The following C9 variants were observed in gnomAD, a reference collection of about 807,000 sequenced individuals.
C9 encodes the protein complement component C9.
C9 carries 63 observed loss-of-function variants against 65.4 expected under a neutral mutation model. That is an observed-to-expected ratio of 0.96 (90% CI 0.79 to 1.19). The LOEUF (loss-of-function observed/expected upper bound fraction) is 1.19, where lower values mean the gene tolerates loss of function less well. C9 is among the 50% of genes most tolerant of loss of function. The pLI is 0.00. For synonymous variants in C9, 229 were observed against 227.9 expected (o/e 1.00, Z -0.04); for missense variants, 744 against 670.1 (o/e 1.11, Z -1.22).
At chr5:39,364,169 T>G (rs998104809) in intron 1 of C9, among the ~76,000 whole-genome samples, 2 of 152,186 alleles carry the variant, frequency 1.3e-5, no homozygotes, top group Admixed American at 6.5e-5. Flanking sequence ...TTTGAGTGCC[T>G]TGTTGAAAAT....
intron 1 of C9, among the ~76,000 whole-genome samples, chr5:39,344,968 T>G (rs910547420): frequency 2.0e-5 from 3 of 152,058 alleles, no homozygotes; most frequent in African/African-American, 7.2e-5. Flanking sequence ...GACAAGCAAA[T>G]GCAGAGAGAT....
At chr5:39,346,171 A>G (rs112309116) in intron 1 of C9, among the ~76,000 whole-genome samples, 6,579 of 152,286 alleles carry the variant, frequency 0.043, 466 homozygotes, top group African/African-American at 0.15. Flanking sequence ...AACTAAGATC[A>G]GAGCAGAACT....
chr5:39,307,169 T>C (rs964304727), intron 8 of C9, among the ~76,000 whole-genome samples: 3 of 152,202 alleles, frequency 2.0e-5, no homozygotes, highest in Non-Finnish European at 4.4e-5. Flanking sequence ...TACATTTGCT[T>C]TGATATGTTT....
intron 9 of C9, among the ~76,000 whole-genome samples, chr5:39,296,067 A>G (rs1753179988): frequency 6.6e-6 from 1 of 151,770 alleles, no homozygotes; most frequent in Non-Finnish European, 1.5e-5. Context: ...ACCTAAAACT[A>G]TAAAACTACT....
chr5:39,346,835 G>A (rs1446036321), intron 1 of C9, among the ~76,000 whole-genome samples: 1 of 152,116 alleles, frequency 6.6e-6, no homozygotes, highest in Non-Finnish European at 1.5e-5. Context: ...GATCAAGTGG[G>A]CTTCATCCCT....
intron 1 of C9, among the ~76,000 whole-genome samples, chr5:39,345,373 G>A (rs879527373): frequency 2.0e-4 from 30 of 152,200 alleles, no homozygotes; most frequent in African/African-American, 4.3e-4. Flanking sequence ...GGTTGTAATC[G>A]TAGTCTCTGA....
At chr5:39,335,194 T>G (rs10473136) in intron 4 of C9, among the ~76,000 whole-genome samples, 4,545 of 152,266 alleles carry the variant, frequency 0.03, 210 homozygotes, top group African/African-American at 0.1. Flanking sequence ...CCTCTTTATT[T>G]TCAGTGAACA....
chr5:39,307,202 C>T (rs2111877871), intron 8 of C9, among the ~76,000 whole-genome samples: 1 of 152,170 alleles, frequency 6.6e-6, no homozygotes, highest in East Asian at 1.9e-4. Flanking sequence ...AAGAAGAGTT[C>T]AAAAAAGAAT....
chr5:39,322,023 C>T (rs1753674355), intron 5 of C9, among the ~76,000 whole-genome samples: 2 of 152,024 alleles, frequency 1.3e-5, no homozygotes, highest in Non-Finnish European at 2.9e-5. Flanking sequence ...ATACACAGAA[C>T]ATTCCATCCA....
At chr5:39,357,368 T>G (rs995797084) in intron 1 of C9, among the ~76,000 whole-genome samples, 7 of 152,192 alleles carry the variant, frequency 4.6e-5, no homozygotes, top group Non-Finnish European at 1.0e-4. Context: ...TGTCAAACAC[T>G]TAAGTTTTTA....
Position 39,306,603 on chromosome 5 carries a change from A to G in C9, c.1416+14T>C. 1 of 1,601,202 alleles carries G rather than the reference A, an allele frequency of 6.2e-7. No individual in the cohort carries two copies. The highest frequency in any genetic ancestry group is 8.6e-7 in the Non-Finnish European group (1 of 1,168,332). The stretch of plus-strand genomic sequence containing the variant: ...TGACACAGTCTTCTGTTTGAAAATA[A>G]ACACGTTTCTTACTTTTTGACTAAT... On this transcript the variant is annotated intron_variant, in intron 9 of 10. Transcript: ENST00000263408.
chr5:39,328,622 A>G (rs1301467917), intron 5 of C9, among the ~76,000 whole-genome samples: 1 of 152,154 alleles, frequency 6.6e-6, no homozygotes, highest in Non-Finnish European at 1.5e-5. Context: ...TCTAGCTTGG[A>G]TGAACAAAAT....
Position 39,343,237 on chromosome 5 carries a change from C to G in C9, c.78-1041G>C, listed in dbSNP as rs566134348. On this transcript the variant is annotated intron_variant, in intron 1 of 10. Coordinates refer to ENST00000263408, the MANE Select transcript of C9 (RefSeq NM_001737.5). ...GCTGAAGCAGGGCAAGGCATCGCCT[C>G]ACCCGGGAAGTGCAAGGGGTCAGGG... Among the ~76,000 whole-genome samples, 134 of 152,316 alleles carry G rather than the reference C, an allele frequency of 8.8e-4. 4 individuals carry two copies. The South Asian group carries it at 0.026, about 29-fold the overall frequency.
At chr5:39,341,320 A>G (rs1215763914) in intron 3 of C9, 27 bp from the exon 4 acceptor site, 17 of 1,612,022 alleles carry the variant, frequency 1.1e-5, no homozygotes, top group Non-Finnish European at 1.4e-5. Flanking sequence ...GAGAGACTCA[A>G]TGTATCTAAT....
At position 39,340,980 on chromosome 5, in the gene C9, A is replaced by G. The variant is rs1754065735; in HGVS notation, c.476+166T>C. ...TTGTCCAAATTATCCTGAGATGCTT[A>G]TTTAGCACTTCCTTTAAGCTTAAAG... On this transcript the variant is annotated intron_variant, in intron 4 of 10. Coordinates refer to ENST00000263408, the MANE Select transcript of C9 (RefSeq NM_001737.5). 9.0e-6 allele frequency: 7 copies of G among 775,136 alleles called. No individual in the cohort carries two copies. In the East Asian group the frequency reaches 1.1e-4, roughly 12 times the overall value. 48.0% of individuals were successfully genotyped at this position (775,136 alleles called of 1,614,324 possible). A position where few individuals can be genotyped will look rare whatever the true frequency, so the allele number is the denominator to read the frequency against.
intron 9 of C9, among the ~76,000 whole-genome samples, chr5:39,294,488 C>G (rs1162216762): frequency 1.3e-5 from 2 of 151,790 alleles, no homozygotes; most frequent in Non-Finnish European, 2.9e-5. Context: ...TTTCTAGACA[C>G]ATACAACCTC....
At chr5:39,286,569 C>T (rs1222542508) in intron 10 of C9, among the ~76,000 whole-genome samples, 2 of 151,768 alleles carry the variant, frequency 1.3e-5, no homozygotes, top group East Asian at 1.9e-4. Flanking sequence ...GCAAATGGAT[C>T]GACTATACAA....
intron 4 of C9, among the ~76,000 whole-genome samples, chr5:39,333,847 C>G (rs538172394): frequency 6.6e-6 from 1 of 152,112 alleles, no homozygotes; most frequent in African/African-American, 2.4e-5. Flanking sequence ...CTCCTAACCG[C>G]GAGTGATCCG....
intron 9 of C9, 37 bp from the exon 10 acceptor site, chr5:39,288,988 T>C (rs1753042408): frequency 9.0e-7 from 1 of 1,114,840 alleles, no homozygotes; most frequent in Non-Finnish European, 1.4e-6. Flanking sequence ...TAGGTCCTTT[T>C]TAACTGAGAG....
Sources: gnomAD v4.1 joint callset for allele counts (sites outside exome capture counted in the v4.1 genomes callset) on GRCh38, gnomAD v4.1.1 for gene constraint, MANE v1.5 for transcripts, NCBI Gene and HGNC (gene_info 2026-07-23, HGNC 2026-07-21) for gene names.